The following PCDHA12 variants were observed in gnomAD, a reference collection of about 807,000 sequenced individuals.
PCDHA12 encodes protocadherin alpha 12, also known as protocadherin alpha-12.
Under a neutral mutation model 60.0 loss-of-function variants are expected in PCDHA12, and 44 were observed. The ratio of observed to expected loss-of-function variants is 0.73; its 90% CI spans 0.58 to 0.94. PCDHA12 has a LOEUF of 0.94. Among genes scored for constraint, PCDHA12 ranks in the 40% least tolerant of loss-of-function variants. The pLI is 0.00. For synonymous variants in PCDHA12, 569 were observed against 553.0 expected (o/e 1.03, Z -0.40); for missense variants, 1,276 against 1,239.7 (o/e 1.03, Z -0.44).
chr5:140,875,463 A>G lies in PCDHA12; in HGVS notation c.-10A>G. On this transcript the variant is annotated 5_prime_UTR_variant, in exon 1 of 4. Coordinates refer to ENST00000398631, the MANE Select transcript of PCDHA12 (RefSeq NM_018903.4). ...TGATTGTCCCAACTCAGAGGCCCTC[A>G]TTTTCTGCAATGGTGATTATCGGAC... is the stretch of plus-strand genomic sequence containing the variant. 1 of 1,599,288 alleles carries G rather than the reference A, an allele frequency of 6.3e-7. No individual in the cohort carries two copies. The highest frequency in any genetic ancestry group is 8.5e-7 in the Non-Finnish European group (1 of 1,172,484).
At chr5:140,939,411 AT>A (rs797027145) in intron 1 of PCDHA12, among the ~76,000 whole-genome samples, 1 of 152,050 alleles carries the variant, frequency 6.6e-6, no homozygotes, top group East Asian at 1.9e-4. Context: ...GTAAATCAGC[AT>A]TTTTTTCTTC....
At chr5:140,967,226 C>G (rs782350843) in intron 1 of PCDHA12, 1 of 1,613,746 alleles carries the variant, frequency 6.2e-7, no homozygotes, top group Non-Finnish European at 8.5e-7. Flanking sequence ...GCCCAACTAC[C>G]AGCTTCAGGT....
At chr5:140,985,044 T>G (rs183944640) in intron 3 of PCDHA12, among the ~76,000 whole-genome samples, 1 of 152,158 alleles carries the variant, frequency 6.6e-6, no homozygotes, top group Admixed American at 6.5e-5. Flanking sequence ...TTCAAGTGAT[T>G]CTCCTGCCTC....
At position 140,876,234 on chromosome 5, in the gene PCDHA12, T is replaced by C. The variant is rs1260556049; in HGVS notation, c.762T>C (p.Asn254=). 4 of 1,613,902 alleles carry C rather than the reference T, an allele frequency of 2.5e-6. No individual in the cohort carries two copies. In the South Asian group the frequency reaches 3.3e-5, roughly 13 times the overall value. Residue 254 remains asparagine, a synonymous_variant, in exon 1 of 4, where the codon AAT becomes AAC. Transcript: ENST00000398631. ...GCTATAAAGTAGTGTTGTCTGAAAA[T>C]GTCCAAAACGACACAAGAGTGATCC... The part of the protein sequence containing the change: ...KPSYKVVLSE[N]VQNDTRVIQL...
At chr5:140,994,197 G>A (rs1449482897) in intron 3 of PCDHA12, among the ~76,000 whole-genome samples, 1 of 152,196 alleles carries the variant, frequency 6.6e-6, no homozygotes. Context: ...GGGCCTGTTG[G>A]TCCAGAATGG....
chr5:140,948,142 T>G (rs1194720907), intron 1 of PCDHA12, among the ~76,000 whole-genome samples: 1 of 151,674 alleles, frequency 6.6e-6, no homozygotes, highest in Admixed American at 6.6e-5. Flanking sequence ...CTAATTGATT[T>G]TTGAATGTTG....
At chr5:140,944,655 C>A (rs1045047658) in intron 1 of PCDHA12, among the ~76,000 whole-genome samples, 3 of 152,128 alleles carry the variant, frequency 2.0e-5, no homozygotes, top group Admixed American at 2.0e-4. Flanking sequence ...GGAGTCCATA[C>A]CCCTTATTTA....
chr5:140,923,459 G>T (rs549692824), intron 1 of PCDHA12, among the ~76,000 whole-genome samples: 6 of 152,192 alleles, frequency 3.9e-5, no homozygotes, highest in Admixed American at 3.9e-4. Flanking sequence ...GCCCAGAGAG[G>T]TAGGGGCTGC....
intron 1 of PCDHA12, among the ~76,000 whole-genome samples, chr5:140,895,618 T>C (rs569188891): frequency 1.1e-4 from 16 of 152,206 alleles, no homozygotes; most frequent in African/African-American, 3.9e-4. Context: ...TCATTGAGGG[T>C]GTTGTCTTTT....
At chr5:140,967,060 G>A in intron 1 of PCDHA12, 1 of 1,612,802 alleles carries the variant, frequency 6.2e-7, no homozygotes, top group Non-Finnish European at 8.5e-7. Flanking sequence ...CGAGTGGAGC[G>A]CTCTTCGTCA....
intron 1 of PCDHA12, among the ~76,000 whole-genome samples, chr5:140,950,257 G>A (rs1255968081): frequency 6.6e-6 from 1 of 151,952 alleles, no homozygotes; most frequent in Non-Finnish European, 1.5e-5. Context: ...AAAGAGCTGA[G>A]TTTATCCATA....
intron 1 of PCDHA12, among the ~76,000 whole-genome samples, chr5:140,886,068 GC>G (rs1462692271): frequency 5.3e-5 from 8 of 152,098 alleles, no homozygotes; most frequent in African/African-American, 9.7e-5. Context: ...AAAGCGTAGG[GC>G]CATACCACAA....
At chr5:140,965,318 C>T (rs1397101710) in intron 1 of PCDHA12, among the ~76,000 whole-genome samples, 1 of 152,104 alleles carries the variant, frequency 6.6e-6, no homozygotes, top group Non-Finnish European at 1.5e-5. Flanking sequence ...TTCTCTTTTA[C>T]TGAAGTGAAT....
intron 1 of PCDHA12, chr5:140,966,281 G>C (rs1261464121): frequency 8.2e-5 from 30 of 366,710 alleles, no homozygotes; most frequent in Non-Finnish European, 1.3e-4. Flanking sequence ...TGGACAGTGG[G>C]GGTAGGGAGA....
chr5:140,947,083 A>T (rs1268359945), intron 1 of PCDHA12, among the ~76,000 whole-genome samples: 1 of 151,728 alleles, frequency 6.6e-6, no homozygotes, highest in African/African-American at 2.4e-5. Context: ...TTGAAACATC[A>T]GACTGTAGCC....
chr5:140,915,204 C>A (rs2077022161), intron 1 of PCDHA12, among the ~76,000 whole-genome samples: 1 of 152,120 alleles, frequency 6.6e-6, no homozygotes, highest in African/African-American at 2.4e-5. Flanking sequence ...ATCTTGGCCT[C>A]CCAAAGTGCT....
chr5:140,902,599 G>T (rs981296505), intron 1 of PCDHA12, among the ~76,000 whole-genome samples: 3 of 152,024 alleles, frequency 2.0e-5, no homozygotes, highest in African/African-American at 7.2e-5. Flanking sequence ...GAAACAGGTC[G>T]TTTTCAGTTA....
chr5:140,967,156 G>T, intron 1 of PCDHA12: 1 of 1,610,540 alleles, frequency 6.2e-7, no homozygotes, highest in Non-Finnish European at 8.5e-7. Context: ...ACCCCGTGGC[G>T]GTGAGCGCCG....
rs2098417657 is a variant in PCDHA12, at chr5:141,010,566, C to T, written c.*629C>T. 3.4e-6 allele frequency: 1 copy of T among 290,180 alleles called. No individual in the cohort carries two copies. The highest frequency in any genetic ancestry group is 6.5e-6 in the Non-Finnish European group (1 of 154,226). The allele number at this position is 290,180 out of a possible 1,614,324, so 18.0% of individuals were successfully genotyped here. ...GACAAAACTACCCCCACTGACAAGG[C>T]TTTAGGAGACCCTAAAGTCTGTTGG... On this transcript the variant is annotated 3_prime_UTR_variant, in exon 4 of 4. Coordinates refer to ENST00000398631, the MANE Select transcript of PCDHA12 (RefSeq NM_018903.4).
Sources: gnomAD v4.1 joint callset for allele counts (sites outside exome capture counted in the v4.1 genomes callset) on GRCh38, gnomAD v4.1.1 for gene constraint, MANE v1.5 for transcripts, NCBI Gene and HGNC (gene_info 2026-07-23, HGNC 2026-07-21) for gene names.